TMEM50B: variants seen among roughly 807,000 people sequenced by gnomAD.
TMEM50B encodes the protein HCV p7-trans-regulated protein 3.
In TMEM50B, 14 loss-of-function variants were observed where a neutral mutation model predicts 23.4. The ratio of observed to expected loss-of-function variants is 0.60; its 90% CI spans 0.39 to 0.93. The LOEUF is 0.93. TMEM50B is among the 40% of genes least tolerant of loss of function. TMEM50B has a pLI of 0.00. For missense variants in TMEM50B, 159 were observed against 193.0 expected (o/e 0.82, Z 1.04); for synonymous variants, 64 against 62.3 (o/e 1.03, Z -0.13).
At chr21:33,447,581 A>C (rs1055508023), downstream of TMEM50B, among the ~76,000 whole-genome samples, 1 of 152,058 alleles carries the variant, frequency 6.6e-6, no homozygotes, top group African/African-American at 2.4e-5. Flanking sequence ...CTCTTGCTCA[A>C]GGGGCCAAAT....
At chr21:33,439,343 G>A (rs1304755732) in intron 7 of TMEM50B, 1 of 151,960 alleles carries the variant, frequency 6.6e-6, no homozygotes, top group Non-Finnish European at 1.5e-5. Flanking sequence ...CAGGACAGAG[G>A]GCAAATCAAC....
In TMEM50B at chr21:33,450,900, C is replaced by T. The variant is rs78235938; in HGVS notation, c.432-37G>A. On this transcript the variant is annotated intron_variant, in intron 6 of 6. Coordinates refer to ENST00000542230, the MANE Select transcript of TMEM50B (RefSeq NM_006134.7). Reference sequence around the variant, plus strand: ...GGAAAACAAATCATGAGGAAAAAACCGATGGAACAAGCAACACAGAATTCA... The same window carrying T: ...GGAAAACAAATCATGAGGAAAAAACTGATGGAACAAGCAACACAGAATTCA... 1,001 of 1,565,940 alleles carry T rather than the reference C, an allele frequency of 6.4e-4. 6 individuals carry two copies. In the African/African-American group the frequency reaches 0.012, roughly 19 times the overall value.
intron 5 of TMEM50B, 194 bp from the exon 6 acceptor site, chr21:33,455,978 C>T (rs1275409965): frequency 1.4e-6 from 1 of 707,090 alleles, no homozygotes; most frequent in Non-Finnish European, 2.6e-6. Flanking sequence ...ACTGCTCTTA[C>T]TCTGGATAAA....
chr21:33,477,135 C>A (rs913191279), intron 1 of TMEM50B, among the ~76,000 whole-genome samples: 5 of 151,916 alleles, frequency 3.3e-5, no homozygotes, highest in African/African-American at 9.7e-5. Context: ...CCCGTCTCTA[C>A]AAAAATTACA....
chr21:33,435,122 A>G (rs965637624), intron 8 of TMEM50B, among the ~76,000 whole-genome samples: 6 of 152,206 alleles, frequency 3.9e-5, no homozygotes, highest in African/African-American at 9.6e-5. Context: ...AGAGCTAGAC[A>G]CTAGATTCTT....
intron 6 of TMEM50B, among the ~76,000 whole-genome samples, chr21:33,451,148 G>C: frequency 6.6e-6 from 1 of 152,100 alleles, no homozygotes; most frequent in East Asian, 1.9e-4. Context: ...ACAAAAAAAT[G>C]AATCAATAAA....
intron 8 of TMEM50B, among the ~76,000 whole-genome samples, chr21:33,433,843 T>C (rs932691711): frequency 3.9e-5 from 6 of 151,962 alleles, no homozygotes; most frequent in African/African-American, 1.2e-4. Context: ...GGCCTGGAGA[T>C]TGGCTGCAGT....
intron 4 of TMEM50B, among the ~76,000 whole-genome samples, chr21:33,464,525 G>C (rs2084246703): frequency 6.8e-6 from 1 of 147,702 alleles, no homozygotes; most frequent in South Asian, 2.2e-4. Context: ...ACACAATTGG[G>C]CCGGGCTCGG....
chr21:33,455,214 T>C (rs2084158546), intron 6 of TMEM50B, among the ~76,000 whole-genome samples: 1 of 152,150 alleles, frequency 6.6e-6, no homozygotes, highest in South Asian at 2.1e-4. Context: ...TTATTTTATT[T>C]TGGTCTCACT....
In TMEM50B at chr21:33,457,479, GTC is replaced by G. The variant is rs1287501954; in HGVS notation, c.374-1697_374-1696del. ...AGCTTGGCCAACATGGTGAAACCCT[GTC>G]TCTACTAAAAATACAAAAAATTAGC... On this transcript the variant is annotated intron_variant, in intron 5 of 6. Transcript: ENST00000542230. Among the ~76,000 whole-genome samples the G allele has an allele frequency of 2.6e-5, 4 of 151,882 alleles. No homozygotes were observed. In the East Asian group the frequency reaches 7.8e-4, roughly 30 times the overall value.
chr21:33,447,723 T>C (rs57993522), downstream of TMEM50B, among the ~76,000 whole-genome samples: 21,282 of 68,832 alleles, frequency 0.31, 2,596 homozygotes, highest in African/African-American at 0.55. Context: ...CACACACATA[T>C]ATATATATAC....
intron 3 of TMEM50B, among the ~76,000 whole-genome samples, chr21:33,466,541 C>T (rs979306619): frequency 1.3e-5 from 2 of 151,890 alleles, no homozygotes; most frequent in Non-Finnish European, 2.9e-5. Context: ...ACAACACCTA[C>T]GGGTGATTTA....
intron 1 of TMEM50B, among the ~76,000 whole-genome samples, chr21:33,472,104 C>T (rs983091063): frequency 6.6e-6 from 1 of 150,902 alleles, no homozygotes; most frequent in Non-Finnish European, 1.5e-5. Flanking sequence ...ATTAAATGGG[C>T]CGGGCAGGAT....
intron 4 of TMEM50B, 28 bp downstream of exon 4, chr21:33,465,314 A>G (rs776062579): frequency 6.3e-6 from 10 of 1,582,768 alleles, no homozygotes; most frequent in Non-Finnish European, 7.8e-6. Flanking sequence ...TTTTGTCAAC[A>G]CCCATTAACA....
chr21:33,460,142 T>A (rs73900345), intron 5 of TMEM50B, among the ~76,000 whole-genome samples: 146 of 152,312 alleles, frequency 9.6e-4, no homozygotes, highest in African/African-American at 3.3e-3. Flanking sequence ...CATAAAATCC[T>A]GGCTGTCTAA....
chr21:33,435,431 G>A (rs937793057), intron 8 of TMEM50B, among the ~76,000 whole-genome samples: 15 of 152,162 alleles, frequency 9.9e-5, no homozygotes, highest in Non-Finnish European at 2.9e-5. Flanking sequence ...AGGGTTGCAA[G>A]GAAGAACTTG....
downstream of TMEM50B, chr21:33,448,923 A>G (rs2084091707): frequency 6.6e-6 from 1 of 152,010 alleles, no homozygotes; most frequent in African/African-American, 2.4e-5. Context: ...AAAAAAAAAA[A>G]ATTCATGGCA....
chr21:33,455,383 G>A (rs1440641572), intron 6 of TMEM50B, among the ~76,000 whole-genome samples: 1 of 151,770 alleles, frequency 6.6e-6, no homozygotes, highest in Non-Finnish European at 1.5e-5. Context: ...ACAGGGTTTT[G>A]CCATGTTGCC....
At chr21:33,459,555 C>A (rs1344912636) in intron 5 of TMEM50B, among the ~76,000 whole-genome samples, 1 of 151,594 alleles carries the variant, frequency 6.6e-6, no homozygotes, top group Non-Finnish European at 1.5e-5. Context: ...GTAATCCCAG[C>A]TACTTGGGAG....
Sources: allele counts gnomAD v4.1 joint callset (sites outside exome capture counted in the v4.1 genomes callset), GRCh38; gene constraint gnomAD v4.1.1; transcripts MANE v1.5; gene names NCBI Gene and HGNC (gene_info 2026-07-23, HGNC 2026-07-21).